The following NDUFA9 variants were observed in gnomAD, a reference collection of about 807,000 sequenced individuals.
The protein encoded by NDUFA9 is NADH dehydrogenase [ubiquinone] 1 alpha subcomplex subunit 9, mitochondrial.
NDUFA9 carries 23 observed loss-of-function variants against 45.9 expected under a neutral mutation model. The ratio of observed to expected loss-of-function variants is 0.50; its 90% CI spans 0.36 to 0.71. The LOEUF is 0.71. Among genes scored for constraint, NDUFA9 ranks in the 30% least tolerant of loss-of-function variants. NDUFA9 has a pLI of 0.00. For missense variants in NDUFA9, 466 were observed against 488.2 expected, an observed-to-expected ratio of 0.95 and a Z score of 0.43; for synonymous variants, 176 against 170.5, an observed-to-expected ratio of 1.03 and a Z score of -0.25.
intron 1 of NDUFA9, among the ~76,000 whole-genome samples, chr12:4,653,184 C>T (rs1249410624): frequency 6.6e-6 from 1 of 152,348 alleles, no homozygotes; most frequent in African/African-American, 2.4e-5. Flanking sequence ...AAAAGAGATT[C>T]TCATTCCTGC....
In NDUFA9 at chr12:4,652,538, CTACT is replaced by C. The variant is rs1355423429; in HGVS notation, c.50-1752_50-1749del. On this transcript the variant is annotated intron_variant, in intron 1 of 10. Transcript: ENST00000266544. ...GCTTCTGTGGTCCTCTGTCCTCTTC[CTACT>C]TCACTTTCAGCATTTGGTAAAGTTA... Among the ~76,000 whole-genome samples the C allele has an allele frequency of 2.6e-5, 4 of 152,290 alleles. No homozygotes were observed. In the East Asian group the frequency reaches 5.8e-4, roughly 22 times the overall value.
In NDUFA9 at chr12:4,683,064, C is replaced by T. The variant is rs573791316; in HGVS notation, c.896+764C>T. 2.2e-4 allele frequency among the ~76,000 whole-genome samples: 33 copies of T among 151,892 alleles called. No individual in the cohort carries two copies. The South Asian group carries it at 4.0e-3, about 18-fold the overall frequency. ...ACTCCAGCCTAGGTGACTGCTACTG[C>T]GCACAGTGGTGCACACCTATAGTCC... On this transcript the variant is annotated intron_variant, in intron 9 of 10. Transcript: ENST00000266544.
At chr12:4,650,960 G>T (rs1945756153) in intron 1 of NDUFA9, among the ~76,000 whole-genome samples, 2 of 152,146 alleles carry the variant, frequency 1.3e-5, no homozygotes, top group Admixed American at 1.3e-4. Context: ...TCTCCAAAGG[G>T]AGTTGTGCAA....
At position 4,670,819 on chromosome 12, in the gene NDUFA9, T is replaced by TA. The variant is rs548606444; in HGVS notation, c.800+1003dup. Among the ~76,000 whole-genome samples, 21 of 152,330 alleles carry TA rather than the reference T, an allele frequency of 1.4e-4. No homozygotes were observed. In the South Asian group the frequency reaches 3.9e-3, roughly 29 times the overall value. On this transcript the variant is annotated intron_variant, in intron 8 of 10. Transcript: ENST00000266544. ...TATATTCAATACAGGTTTCATAAAA[T>TA]ACTACACAAAAGACATTAGTTCCAG...
At chr12:4,670,164 C>T (rs1945877695) in intron 8 of NDUFA9, among the ~76,000 whole-genome samples, 1 of 152,062 alleles carries the variant, frequency 6.6e-6, no homozygotes, top group Admixed American at 6.6e-5. Context: ...GTTATAAAAC[C>T]ACATTAATTT....
chr12:4,650,682 A>G (rs781374450), intron 1 of NDUFA9, among the ~76,000 whole-genome samples: 2 of 152,192 alleles, frequency 1.3e-5, no homozygotes, highest in Non-Finnish European at 2.9e-5. Context: ...GGAAATCATA[A>G]AAGGGAAAGA....
chr12:4,679,876 C>A (rs1347164238), intron 8 of NDUFA9, among the ~76,000 whole-genome samples: 1 of 152,170 alleles, frequency 6.6e-6, no homozygotes, highest in Admixed American at 6.5e-5. Context: ...GATGTCACTT[C>A]ATGACTCAGG....
chr12:4,668,527 A>G lies in NDUFA9; in HGVS notation c.723+3A>G. The G allele has an allele frequency of 6.2e-7, 1 of 1,607,920 alleles. No homozygotes were observed. Among genetic ancestry groups the G allele is most frequent in the South Asian group, 1.1e-5 (1 of 90,962 alleles). On this transcript the variant is annotated splice_donor_region_variant and intron_variant, in intron 7 of 10. Transcript: ENST00000266544. The stretch of plus-strand genomic sequence containing the variant: ...AGACAGTTAAACAACCAGTATATGT[A>G]AGTACTTGGATGAAGGGGGTCAGAA...
chr12:4,663,259 CT>C (rs1945834132), intron 6 of NDUFA9, among the ~76,000 whole-genome samples: 2 of 151,908 alleles, frequency 1.3e-5, no homozygotes, highest in African/African-American at 2.4e-5. Context: ...GTTTTTCCCC[CT>C]GTTGCTTGTG....
intron 10 of NDUFA9, 41 bp from the exon 11 acceptor site, chr12:4,686,897 C>CACTTTGGGAGGCTGATGGGGGTGGAT (rs1945989796): frequency 6.3e-7 from 1 of 1,591,036 alleles, no homozygotes; most frequent in Non-Finnish European, 8.6e-7. Context: ...TTGTTCTCAG[C>CACTTTGGGAGGCTGATGGGGGTGGAT]CAGTTTTCAG....
intron 8 of NDUFA9, among the ~76,000 whole-genome samples, chr12:4,672,259 T>G (rs1945891704): frequency 6.6e-6 from 1 of 152,156 alleles, no homozygotes; most frequent in Non-Finnish European, 1.5e-5. Context: ...TTCACTAAGG[T>G]GCCCATGCCA....
rs774653317 is a variant in NDUFA9, at chr12:4,659,195, C to T, written c.552+18C>T. The T allele has an allele frequency of 5.2e-5, 84 of 1,600,050 alleles. No individual in the cohort carries two copies. The highest frequency in any genetic ancestry group is 6.8e-5 in the Non-Finnish European group (80 of 1,169,988). On this transcript the variant is annotated intron_variant, in intron 5 of 10. Coordinates refer to ENST00000266544, the MANE Select transcript of NDUFA9 (RefSeq NM_005002.5). ...GAAATAAGGTAAGTAACAAATTGAT[C>T]TGGGAAGTGGTTCACAGAGCCAGAG...
intron 9 of NDUFA9, among the ~76,000 whole-genome samples, chr12:4,684,171 C>A (rs1166146435): frequency 6.6e-6 from 1 of 152,116 alleles, no homozygotes; most frequent in African/African-American, 2.4e-5. Context: ...TATGTTAGCC[C>A]AATAAATTAT....
At chr12:4,652,578 C>T (rs1591541542) in intron 1 of NDUFA9, among the ~76,000 whole-genome samples, 1 of 152,198 alleles carries the variant, frequency 6.6e-6, no homozygotes, top group East Asian at 1.9e-4. Context: ...ACCATTCTCT[C>T]CTTGAAACAG....
chr12:4,686,620 C>T (rs760170739), intron 10 of NDUFA9, among the ~76,000 whole-genome samples: 5 of 152,082 alleles, frequency 3.3e-5, no homozygotes, highest in Non-Finnish European at 7.4e-5. Context: ...GTGACTTGTG[C>T]TTCCCTGCCC....
Position 4,654,380 on chromosome 12 carries a change from T to C in NDUFA9, c.138T>C (p.Gly46=), listed in dbSNP as rs1245319864. The C allele has an allele frequency of 6.2e-7, 1 of 1,614,178 alleles. No individual in the cohort carries two copies. Among genetic ancestry groups the C allele is most frequent in the African/African-American group, 1.3e-5 (1 of 75,048 alleles). Residue 46 remains glycine, a synonymous_variant, in exon 2 of 11, where the codon GGT becomes GGC. Coordinates refer to ENST00000266544, the MANE Select transcript of NDUFA9 (RefSeq NM_005002.5). The stretch of plus-strand genomic sequence containing the variant: ...ATGCCCTCATGCCTCATGGGAAAGG[T>C]GGACGTTCCTCAGTCAGTGGGATTG... ...LHHALMPHGK[G]GRSSVSGIVA... is the part of the protein sequence containing the mutation.
At chr12:4,677,662 TGTGGAGAAATA>T (rs1461248163) in intron 8 of NDUFA9, among the ~76,000 whole-genome samples, 2 of 152,246 alleles carry the variant, frequency 1.3e-5, no homozygotes, top group Admixed American at 1.3e-4. Context: ...CTGGAGAGGA[TGTGGAGAAATA>T]GTGACGCTTT....
At chr12:4,683,457 A>G (rs1348196800) in intron 9 of NDUFA9, among the ~76,000 whole-genome samples, 3 of 152,238 alleles carry the variant, frequency 2.0e-5, no homozygotes, top group Non-Finnish European at 4.4e-5. Context: ...TCAGAAGGTT[A>G]CAACAAACAC....
At chr12:4,671,018 A>C (rs1410115196) in intron 8 of NDUFA9, among the ~76,000 whole-genome samples, 2 of 152,222 alleles carry the variant, frequency 1.3e-5, no homozygotes, top group Admixed American at 6.5e-5. Context: ...CGATGGGAAA[A>C]ATAATACTAG....
Sources: gnomAD v4.1 joint callset for allele counts (sites outside exome capture counted in the v4.1 genomes callset) on GRCh38, gnomAD v4.1.1 for gene constraint, MANE v1.5 for transcripts, NCBI Gene and HGNC (gene_info 2026-07-23, HGNC 2026-07-21) for gene names.